Variants in FMNL2 observed in about 807,000 individuals in gnomAD.
FMNL2 encodes formin-like protein 2.
FMNL2 carries 51 observed loss-of-function variants against 130.2 expected under a neutral mutation model. The observed-to-expected ratio is 0.39, with a 90% CI of 0.31 to 0.49. The LOEUF is 0.49. FMNL2 is among the 20% of genes least tolerant of loss of function. FMNL2 has a pLI of 0.85. For missense variants in FMNL2, 977 were observed against 1,316.2 expected (o/e 0.74, Z 3.99); for synonymous variants, 465 against 467.1 (o/e 1.00, Z 0.06).
chr2:152,553,783 A>G (rs1022188205), intron 4 of FMNL2, among the ~76,000 whole-genome samples: 1 of 151,920 alleles, frequency 6.6e-6, no homozygotes. Flanking sequence ...GACATGTTTT[A>G]TGAAAAATAT....
chr2:152,597,829 T>C (rs1270331670), intron 9 of FMNL2, among the ~76,000 whole-genome samples: 2 of 152,158 alleles, frequency 1.3e-5, no homozygotes, highest in African/African-American at 2.4e-5. Context: ...TGGGTGGAAG[T>C]GGTTCCAATT....
At chr2:152,437,045 A>G (rs1428382915) in intron 1 of FMNL2, among the ~76,000 whole-genome samples, 1 of 152,172 alleles carries the variant, frequency 6.6e-6, no homozygotes, top group Non-Finnish European at 1.5e-5. Flanking sequence ...TGGTTTGCAG[A>G]TAGCTGCCTT....
At chr2:152,639,845 T>TG in intron 23 of FMNL2, 113 bp from the exon 24 acceptor site, 1 of 707,494 alleles carries the variant, frequency 1.4e-6, no homozygotes, top group Non-Finnish European at 2.1e-6. Context: ...TTCTCAACCT[T>TG]CCATTTATTG....
At chr2:152,389,012 A>G (rs1684946043) in intron 1 of FMNL2, among the ~76,000 whole-genome samples, 2 of 152,158 alleles carry the variant, frequency 1.3e-5, no homozygotes, top group Non-Finnish European at 2.9e-5. Context: ...GTCATGAGTA[A>G]AAGTATTAAT....
chr2:152,619,282 G>T (rs1699109787), intron 14 of FMNL2, 124 bp downstream of exon 14: 1 of 1,324,588 alleles, frequency 7.5e-7, no homozygotes. Context: ...TGGTTTTCTT[G>T]AGTAGTTCTT....
chr2:152,499,471 G>A (rs761779888), intron 1 of FMNL2, among the ~76,000 whole-genome samples: 2 of 152,046 alleles, frequency 1.3e-5, no homozygotes, highest in Admixed American at 6.6e-5. Context: ...GCTCTGGAAG[G>A]TCTTGTACTC....
At chr2:152,358,006 TG>T (rs1466333364) in intron 1 of FMNL2, among the ~76,000 whole-genome samples, 2 of 152,322 alleles carry the variant, frequency 1.3e-5, no homozygotes, top group East Asian at 3.9e-4. Context: ...ACCCTCAATC[TG>T]GGTGGGCACC....
At position 152,560,913 on chromosome 2, in the gene FMNL2, G is replaced by A; in HGVS notation, c.474G>A (p.Val158=). 2 of 1,612,646 alleles carry A rather than the reference G, an allele frequency of 1.2e-6. No individual in the cohort carries two copies. The highest frequency in any genetic ancestry group is 1.7e-6 in the Non-Finnish European group (2 of 1,179,374). ...TFDFESVEST[V]ESSVDKSKPW... ...ACTTTGAAAGTGTGGAGAGTACTGT[G>A]GAGAGCTCGGTGGACAAATCAAAGC... The change falls in exon 6 of 26, where the codon GTG becomes GTA. Residue 158 remains valine (V), a synonymous_variant. Coordinates refer to ENST00000288670, the MANE Select transcript of FMNL2 (RefSeq NM_052905.4).
intron 9 of FMNL2, among the ~76,000 whole-genome samples, chr2:152,603,711 C>T (rs1362770967): frequency 6.6e-6 from 1 of 150,990 alleles, no homozygotes; most frequent in Non-Finnish European, 1.5e-5. Context: ...TAAGACCCAA[C>T]ATGCACCCCT....
chr2:152,387,278 G>A (rs974528124), intron 1 of FMNL2, among the ~76,000 whole-genome samples: 1 of 152,128 alleles, frequency 6.6e-6, no homozygotes, highest in Non-Finnish European at 1.5e-5. Context: ...TATCCCTATT[G>A]GATGAGTGGC....
chr2:152,551,027 T>A (rs549459159), intron 4 of FMNL2, among the ~76,000 whole-genome samples: 42 of 151,494 alleles, frequency 2.8e-4, no homozygotes, highest in African/African-American at 9.2e-4. Flanking sequence ...TAGTCCCAGC[T>A]GCTTGGGAGG....
intron 1 of FMNL2, among the ~76,000 whole-genome samples, chr2:152,482,155 AT>A (rs1250893268): frequency 6.6e-6 from 1 of 152,220 alleles, no homozygotes; most frequent in African/African-American, 2.4e-5. Context: ...AAAGTTTCAA[AT>A]TCCTAAATGA....
At chr2:152,336,756 T>G (rs3887026) in intron 1 of FMNL2, among the ~76,000 whole-genome samples, 73,624 of 151,974 alleles carry the variant, frequency 0.48, 19,837 homozygotes, top group Non-Finnish European at 0.62. Flanking sequence ...GAGATTGGGC[T>G]CATTCCTACT....
chr2:152,476,506 A>G (rs974067526), intron 1 of FMNL2, among the ~76,000 whole-genome samples: 6 of 152,078 alleles, frequency 3.9e-5, no homozygotes, highest in Non-Finnish European at 7.4e-5. Flanking sequence ...CCCTGTCTCT[A>G]TTTAAAAAAT....
chr2:152,553,541 T>A (rs1420307420), intron 4 of FMNL2, among the ~76,000 whole-genome samples: 2 of 120,590 alleles, frequency 1.7e-5, no homozygotes. Context: ...AATTCTCACA[T>A]TTTTTTTTTT....
intron 1 of FMNL2, among the ~76,000 whole-genome samples, chr2:152,441,725 A>G (rs1312726012): frequency 6.6e-6 from 1 of 151,612 alleles, no homozygotes; most frequent in Non-Finnish European, 1.5e-5. Context: ...AATCCCAGCT[A>G]CTCAGGAGGC....
chr2:152,595,838 C>A (rs60857913), intron 9 of FMNL2, among the ~76,000 whole-genome samples: 22,128 of 151,986 alleles, frequency 0.15, 1,944 homozygotes, highest in African/African-American at 0.25. Context: ...TATAATGAGT[C>A]TAATGTGACA....
intron 5 of FMNL2, among the ~76,000 whole-genome samples, chr2:152,559,810 TA>T (rs1333692372): frequency 6.6e-6 from 1 of 152,196 alleles, no homozygotes; most frequent in African/African-American, 2.4e-5. Context: ...AAAATTTTAT[TA>T]GATTACCCCA....
At chr2:152,587,238 C>T (rs7573833) in intron 9 of FMNL2, among the ~76,000 whole-genome samples, 22,136 of 152,134 alleles carry the variant, frequency 0.15, 2,027 homozygotes, top group African/African-American at 0.26. Context: ...TCACTTCTGC[C>T]ATGTTATCTG....
Sources: gnomAD v4.1 joint callset for allele counts (sites outside exome capture counted in the v4.1 genomes callset) on GRCh38, gnomAD v4.1.1 for gene constraint, MANE v1.5 for transcripts, NCBI Gene and HGNC (gene_info 2026-07-23, HGNC 2026-07-21) for gene names.